ZNF41: variants seen among roughly 807,000 people sequenced by gnomAD.
The protein encoded by ZNF41 is zinc finger protein 41.
In ZNF41, 6 loss-of-function variants were observed where a neutral mutation model predicts 9.3. The ratio of observed to expected loss-of-function variants is 0.65; its 90% CI spans 0.35 to 1.28. The LOEUF is 1.28. ZNF41 is among the 50% of genes most tolerant of loss of function. The pLI is 0.03. For missense variants in ZNF41, 523 were observed against 585.8 expected, an observed-to-expected ratio of 0.89 and a Z score of 1.11; for synonymous variants, 192 against 207.1, an observed-to-expected ratio of 0.93 and a Z score of 0.63.
intron 2 of ZNF41, among the ~76,000 whole-genome samples, chrX:47,462,882 C>A (rs1264285514): frequency 9.3e-6 from 1 of 107,070 alleles, no homozygotes; most frequent in Non-Finnish European, 1.9e-5. Context: ...CTCAGTACCA[C>A]CCTACCCGGC....
chrX:47,448,552 G>A lies in ZNF41; in HGVS notation c.1218C>T (p.Thr406=), dbSNP rs764699249. 17 of 1,209,583 alleles carry A rather than the reference G, an allele frequency of 1.4e-5. No homozygotes were observed. Among genetic ancestry groups the A allele is most frequent in the African/African-American group, 1.4e-4 (8 of 57,019 alleles). The change falls in exon 5 of 5, where the codon ACC becomes ACT. Residue 406 remains threonine, a synonymous_variant. Transcript: ENST00000684689. ...SDLSIHQKTH[T]GEKHYECNEC... ...CATTGCATTCATAGTGTTTCTCTCC[G>A]GTATGAGTTTTCTGATGTATACTGA... is the stretch of plus-strand genomic sequence containing the variant.
chrX:47,467,444 G>A lies in ZNF41; in HGVS notation c.38C>T (p.Ala13Val), dbSNP rs200972908. The change falls in exon 2 of 5, where the codon GCC (alanine) becomes GTC (valine). Residue 13 changes from alanine (A) to valine (V), a missense_variant. By Grantham distance (64) the Ala-to-Val change is moderately conservative (BLOSUM62 0). Transcript: ENST00000684689. The part of the protein sequence containing the change: ...ANGDSPPWSP[A>V]LAAEGRGSSC... ...GCTGCCACGTCCCTCTGCAGCCAGG[G>A]CCGGGGACCATGGGGGAGAGTCCCC... 1.7e-5 allele frequency: 20 copies of A among 1,188,677 alleles called. No homozygotes were observed. The Admixed American group carries it at 3.8e-4, about 22-fold the overall frequency.
At chrX:47,478,274 G>A (rs2057387230) in intron 1 of ZNF41, among the ~76,000 whole-genome samples, 1 of 112,127 alleles carries the variant, frequency 8.9e-6, no homozygotes, top group Non-Finnish European at 1.9e-5. Context: ...GGGAGGCCGA[G>A]GCAGGTAGAT....
At position 47,448,584 on chromosome X, in the gene ZNF41, A is replaced by G. The variant is rs1386881189; in HGVS notation, c.1186T>C (p.Ser396Pro). 8.3e-7 allele frequency: 1 copy of G among 1,211,650 alleles called. No homozygotes were observed. Among genetic ancestry groups the G allele is most frequent in the East Asian group, 3.0e-5 (1 of 33,845 alleles). ...GTTTTCTGATGTATACTGAGGTCTGAGTTCTGGGAGAAGCCTTTTCCACAT... is the reference window on the plus strand; with the variant it reads ...GTTTTCTGATGTATACTGAGGTCTGGGTTCTGGGAGAAGCCTTTTCCACAT... ...SECGKGFSQN[S>P]DLSIHQKTHT... is the part of the protein sequence containing the mutation. Residue 396 changes from serine to proline, a missense_variant, in exon 5 of 5, where the codon TCA becomes CCA. Ser to Pro is a moderately conservative substitution (Grantham distance 74, BLOSUM62 -1). Coordinates refer to ENST00000684689, the MANE Select transcript of ZNF41 (RefSeq NM_001324144.2).
Position 47,478,462 on chromosome X carries a change from A to G in ZNF41, c.-280+4633T>C, listed in dbSNP as rs188431336. Reference sequence around the variant, plus strand: ...GTGGAGGTTGCAGTGAGCCGAGATCATGCCACTGCACTCCAGCCTGGGTGA... The same window carrying G: ...GTGGAGGTTGCAGTGAGCCGAGATCGTGCCACTGCACTCCAGCCTGGGTGA... On this transcript the variant is annotated intron_variant, in intron 1 of 4. Transcript: ENST00000684689. Among the ~76,000 whole-genome samples, 568 of 109,994 alleles carry G rather than the reference A, an allele frequency of 5.2e-3. 2 individuals carry two copies. Among genetic ancestry groups the G allele is most frequent in the Non-Finnish European group, 8.1e-3 (428 of 52,613 alleles).
chrX:47,476,317 C>T (rs769435069), intron 1 of ZNF41, among the ~76,000 whole-genome samples: 16 of 111,382 alleles, frequency 1.4e-4, no homozygotes, highest in Middle Eastern at 4.6e-3. Context: ...GGCACCACTA[C>T]GCTCCAGCCT....
intron 1 of ZNF41, among the ~76,000 whole-genome samples, chrX:47,472,931 C>T (rs1416676506): frequency 3.6e-5 from 4 of 109,965 alleles, no homozygotes; most frequent in Non-Finnish European, 7.6e-5. Flanking sequence ...CCATATTGGT[C>T]AGGCTGGTCT....
chrX:47,475,601 C>T (rs746517220), intron 1 of ZNF41, among the ~76,000 whole-genome samples: 38 of 111,547 alleles, frequency 3.4e-4, no homozygotes, highest in African/African-American at 1.1e-3. Flanking sequence ...TAAAATATTA[C>T]TAACTCAGGC....
At chrX:47,469,179 C>T (rs904276575) in intron 1 of ZNF41, among the ~76,000 whole-genome samples, 6 of 102,507 alleles carry the variant, frequency 5.9e-5, no homozygotes, top group Admixed American at 3.2e-4. Flanking sequence ...GGCGTAGTGG[C>T]GGGCGCCTGT....
At position 47,448,076 on chromosome X, in the gene ZNF41, C is replaced by T. The variant is rs200332017; in HGVS notation, c.1694G>A (p.Arg565His). The T allele has an allele frequency of 2.0e-5, 24 of 1,209,423 alleles. No homozygotes were observed. Among genetic ancestry groups the T allele is most frequent in the South Asian group, 1.1e-4 (6 of 56,813 alleles). Residue 565 changes from arginine (R) to histidine (H), a missense_variant, in exon 5 of 5, where the codon CGC (arginine) becomes CAC (histidine). By Grantham distance (29) the Arg-to-His change is conservative. Transcript: ENST00000684689. Reference protein sequence around the residue: ...GCGKAFIWKSRLKIHQKSHIG... With the variant: ...GCGKAFIWKSHLKIHQKSHIG... Reference sequence around the variant, plus strand: ...ATGAGATTTCTGATGTATTTTGAGGCGCGACTTCCATATGAAGGCTTTTCC... The same window carrying T: ...ATGAGATTTCTGATGTATTTTGAGGTGCGACTTCCATATGAAGGCTTTTCC...
At chrX:47,471,923 C>T (rs2057203600) in intron 1 of ZNF41, among the ~76,000 whole-genome samples, 1 of 111,644 alleles carries the variant, frequency 9.0e-6, no homozygotes, top group Non-Finnish European at 1.9e-5. Flanking sequence ...AGATAATCCT[C>T]CACATAATCC....
intron 1 of ZNF41, among the ~76,000 whole-genome samples, chrX:47,481,108 C>T (rs923815415): frequency 2.7e-5 from 3 of 111,308 alleles, no homozygotes; most frequent in African/African-American, 9.8e-5. Flanking sequence ...AATTAGAAAA[C>T]ATTAGAAGGA....
At chrX:47,475,238 C>T (rs2057306524) in intron 1 of ZNF41, among the ~76,000 whole-genome samples, 1 of 109,514 alleles carries the variant, frequency 9.1e-6, no homozygotes, top group Non-Finnish European at 1.9e-5. Context: ...AAGCTATTGC[C>T]ACAGGTATGG....
In ZNF41 at chrX:47,456,004, G is replaced by A; in HGVS notation, c.212C>T (p.Pro71Leu). ...CAACTTGAAGGCAGCCTCTGACTTG[G>A]GAATTTGGTACCCTGTTAACAGGAC... ...SHLLSVGYQI[P>L]KSEAAFKLEQ... The change falls in exon 4 of 5, where the codon CCC becomes CTC. Residue 71 changes from proline (P) to leucine (L), a missense_variant. Coordinates refer to ENST00000684689, the MANE Select transcript of ZNF41 (RefSeq NM_001324144.2). 1 of 1,211,266 alleles carries A rather than the reference G, an allele frequency of 8.3e-7. No individual in the cohort carries two copies. The highest frequency in any genetic ancestry group is 1.1e-6 in the Non-Finnish European group (1 of 895,065).
intron 1 of ZNF41, among the ~76,000 whole-genome samples, chrX:47,475,180 T>C (rs1334220609): frequency 9.3e-6 from 1 of 107,982 alleles, no homozygotes; most frequent in Admixed American, 1.0e-4. Flanking sequence ...TATGTATATA[T>C]ACACCCACAC....
At position 47,456,478 on chromosome X, in the gene ZNF41, T is replaced by A. The variant is rs769037115; in HGVS notation, c.73-80A>T. 1.3e-4 allele frequency: 156 copies of A among 1,180,403 alleles called. No homozygotes were observed. In the South Asian group the frequency reaches 2.7e-3, roughly 20 times the overall value. On this transcript the variant is annotated intron_variant, in intron 2 of 4. Coordinates refer to ENST00000684689, the MANE Select transcript of ZNF41 (RefSeq NM_001324144.2). ...AAGGTAGATAGCAAGTTGTTTTTAA[T>A]GCTTTTTACCATAATGTATCATGTA...
intron 1 of ZNF41, chrX:47,476,810 A>T (rs1394114376): frequency 1.9e-5 from 2 of 107,497 alleles, no homozygotes; most frequent in Non-Finnish European, 3.9e-5. Flanking sequence ...TAATCCCAGC[A>T]CTTTGGGAGG....
chrX:47,449,000 G>A lies in ZNF41; in HGVS notation c.770C>T (p.Ala257Val). The change falls in exon 5 of 5, where the codon GCT becomes GTT. Residue 257 changes from alanine to valine, a missense_variant. Ala to Val is a moderately conservative substitution (Grantham distance 64). Coordinates refer to ENST00000684689, the MANE Select transcript of ZNF41 (RefSeq NM_001324144.2). ...ATGAATTTTCTGATGGTGGGTGGGA[G>A]CTTGTTTGTGGCTGAGATGTTTTTC... The part of the protein sequence containing the change: ...HYEKHLSHKQ[A>V]PTHHQKIHPE... 8.3e-7 allele frequency: 1 copy of A among 1,211,693 alleles called. No homozygotes were observed. Among genetic ancestry groups the A allele is most frequent in the Non-Finnish European group, 1.1e-6 (1 of 895,543 alleles).
At chrX:47,463,518 T>G (rs898258497) in intron 2 of ZNF41, among the ~76,000 whole-genome samples, 4 of 111,333 alleles carry the variant, frequency 3.6e-5, no homozygotes, top group African/African-American at 1.3e-4. Context: ...GTTAACTCGC[T>G]TCAGTTATAC....
Sources: allele counts gnomAD v4.1 joint callset (sites outside exome capture counted in the v4.1 genomes callset), GRCh38; gene constraint gnomAD v4.1.1; transcripts MANE v1.5; gene names NCBI Gene and HGNC (gene_info 2026-07-23, HGNC 2026-07-21).